CADM2: variants seen among roughly 807,000 people sequenced by gnomAD.
The protein encoded by CADM2 is immunoglobulin superfamily member 4D.
Under a neutral mutation model 49.8 loss-of-function variants are expected in CADM2, and 12 were observed. The ratio of observed to expected loss-of-function variants is 0.24; its 90% confidence interval spans 0.15 to 0.39. The LOEUF (loss-of-function observed/expected upper bound fraction) is 0.39, where lower values mean the gene tolerates loss of function less well. Among genes scored for constraint, CADM2 ranks in the 10% least tolerant of loss-of-function variants. The pLI is 1.00. For missense variants in CADM2, 378 were observed against 492.3 expected (o/e 0.77, Z 2.20); for synonymous variants, 214 against 175.4 (o/e 1.22, Z -1.74).
intron 8 of CADM2, among the ~76,000 whole-genome samples, chr3:85,987,559 AT>A (rs1728260201): frequency 1.3e-5 from 2 of 148,536 alleles, no homozygotes; most frequent in Admixed American, 6.8e-5. Context: ...TAAAAAATTC[AT>A]TTTTATATAA....
At chr3:85,575,947 C>A (rs1217083391) in intron 1 of CADM2, among the ~76,000 whole-genome samples, 1 of 152,138 alleles carries the variant, frequency 6.6e-6, no homozygotes, top group African/African-American at 2.4e-5. Context: ...CTTCTCTAAC[C>A]TTTTTGAACC....
intron 2 of CADM2, among the ~76,000 whole-genome samples, chr3:85,794,934 G>A (rs1246196475): frequency 6.6e-6 from 1 of 151,992 alleles, no homozygotes; most frequent in African/African-American, 2.4e-5. Context: ...TTGAATTAAG[G>A]CCAAGATTTT....
chr3:85,804,829 T>C (rs1384346519), intron 3 of CADM2, among the ~76,000 whole-genome samples: 1 of 152,180 alleles, frequency 6.6e-6, no homozygotes, highest in African/African-American at 2.4e-5. Flanking sequence ...GGGATAATTA[T>C]GAGGAGAAAA....
intron 8 of CADM2, among the ~76,000 whole-genome samples, chr3:85,978,058 G>A (rs1462057110): frequency 6.6e-6 from 1 of 151,546 alleles, no homozygotes; most frequent in Non-Finnish European, 1.5e-5. Flanking sequence ...ATATATGAGG[G>A]CTATGTGACA....
At chr3:85,573,045 T>A (rs2062524459) in intron 1 of CADM2, among the ~76,000 whole-genome samples, 1 of 152,186 alleles carries the variant, frequency 6.6e-6, no homozygotes, top group Non-Finnish European at 1.5e-5. Flanking sequence ...ATGAACTATT[T>A]TAACAGAAAA....
chr3:85,577,241 G>A (rs906834814), intron 1 of CADM2, among the ~76,000 whole-genome samples: 3 of 152,072 alleles, frequency 2.0e-5, no homozygotes, highest in Non-Finnish European at 4.4e-5. Context: ...CGTGTCCCCC[G>A]GAGTTCATGT....
intron 5 of CADM2, among the ~76,000 whole-genome samples, chr3:85,896,673 C>A (rs1157401383): frequency 6.6e-6 from 1 of 152,180 alleles, no homozygotes; most frequent in East Asian, 1.9e-4. Context: ...GGCCATTAAG[C>A]TCGAATTGAC....
At chr3:85,572,607 G>A (rs1183336840) in intron 1 of CADM2, among the ~76,000 whole-genome samples, 12 of 152,070 alleles carry the variant, frequency 7.9e-5, no homozygotes, top group Admixed American at 6.6e-4. Context: ...AAGTCCAAAG[G>A]CCTCAGAACA....
chr3:85,490,033 A>G (rs1198970154), intron 1 of CADM2, among the ~76,000 whole-genome samples: 1 of 148,524 alleles, frequency 6.7e-6, no homozygotes, highest in Non-Finnish European at 1.5e-5. Context: ...TAATTCTACA[A>G]TATTAGAAAT....
At chr3:85,279,693 A>C (rs1190881019) in intron 1 of CADM2, among the ~76,000 whole-genome samples, 2 of 151,454 alleles carry the variant, frequency 1.3e-5, no homozygotes, top group African/African-American at 4.8e-5. Flanking sequence ...AAGAAAATTA[A>C]TTTTACTGAA....
chr3:85,420,353 A>G (rs2036112577), intron 1 of CADM2, among the ~76,000 whole-genome samples: 1 of 152,208 alleles, frequency 6.6e-6, no homozygotes. Context: ...TGTAAAATAT[A>G]TGTTATATTT....
At chr3:85,334,935 A>G (rs1279563021) in intron 1 of CADM2, among the ~76,000 whole-genome samples, 1 of 151,308 alleles carries the variant, frequency 6.6e-6, no homozygotes, top group Non-Finnish European at 1.5e-5. Context: ...AGTAACTTGT[A>G]TTTTCAAAAT....
chr3:85,871,069 T>C (rs1342757117), intron 3 of CADM2, among the ~76,000 whole-genome samples: 1 of 152,180 alleles, frequency 6.6e-6, no homozygotes, highest in East Asian at 1.9e-4. Flanking sequence ...TAAGAGCTTC[T>C]GTACAGTAAA....
intron 2 of CADM2, among the ~76,000 whole-genome samples, chr3:85,759,663 G>A (rs541021680): frequency 6.6e-6 from 1 of 152,218 alleles, no homozygotes; most frequent in African/African-American, 2.4e-5. Context: ...CTGTAACTTA[G>A]TTAGATTGCT....
chr3:85,439,467 T>A (rs1182668471), intron 1 of CADM2, among the ~76,000 whole-genome samples: 1 of 152,186 alleles, frequency 6.6e-6, no homozygotes, highest in African/African-American at 2.4e-5. Context: ...ACTTGATTTT[T>A]GACTGAAACT....
At chr3:85,854,586 G>A (rs1170983422) in intron 3 of CADM2, among the ~76,000 whole-genome samples, 5 of 152,114 alleles carry the variant, frequency 3.3e-5, no homozygotes, top group African/African-American at 7.2e-5. Context: ...CAAAGAGAAC[G>A]CATGGACACA....
intron 1 of CADM2, among the ~76,000 whole-genome samples, chr3:85,585,830 T>C (rs1223299365): frequency 6.6e-6 from 1 of 152,018 alleles, no homozygotes; most frequent in Non-Finnish European, 1.5e-5. Flanking sequence ...AGCCCTATGA[T>C]CTTATAATAC....
At chr3:86,028,427 T>C (rs1734179180) in intron 8 of CADM2, among the ~76,000 whole-genome samples, 2 of 152,096 alleles carry the variant, frequency 1.3e-5, no homozygotes, top group Non-Finnish European at 2.9e-5. Flanking sequence ...TGCTATAAAA[T>C]AGTGTTTTAA....
chr3:86,066,719 C>T lies in CADM2; in HGVS notation c.1151C>T (p.Thr384Ile). ...GCTGAAGATGCACCAGATGCTGATA[C>T]AGCCATTATCAATGCTGAAGGCAGC... ...KGAEDAPDADTAIINAEGSQV... is the reference protein window; with the variant it reads ...KGAEDAPDADIAIINAEGSQV... Residue 384 changes from threonine (T) to isoleucine (I), a missense_variant, in exon 10 of 10, where the codon ACA becomes ATA. Transcript: ENST00000383699. The T allele has an allele frequency of 6.2e-7, 1 of 1,613,996 alleles. No homozygotes were observed. Among genetic ancestry groups the T allele is most frequent in the Non-Finnish European group, 8.5e-7 (1 of 1,179,900 alleles).
Sources: allele counts gnomAD v4.1 joint callset (sites outside exome capture counted in the v4.1 genomes callset), GRCh38; gene constraint gnomAD v4.1.1; transcripts MANE v1.5; gene names NCBI Gene and HGNC (gene_info 2026-07-23, HGNC 2026-07-21).